CDC14A: variants seen among roughly 807,000 people sequenced by gnomAD.
The protein encoded by CDC14A is cell division cycle 14A, also known as dual specificity protein phosphatase CDC14A.
CDC14A carries 53 observed loss-of-function variants against 74.4 expected under a neutral mutation model. The ratio of observed to expected loss-of-function variants is 0.71; its 90% CI spans 0.57 to 0.89. The LOEUF (loss-of-function observed/expected upper bound fraction) is 0.89, where lower values mean the gene tolerates loss of function less well. Among genes scored for constraint, CDC14A ranks in the 40% least tolerant of loss-of-function variants. The probability of loss-of-function intolerance (pLI) is 0.00; values close to 1 mark genes in which losing one functional copy is unlikely to be tolerated. For synonymous variants in CDC14A, 247 were observed against 258.4 expected (o/e 0.96, Z 0.43); for missense variants, 646 against 713.7 (o/e 0.91, Z 1.08).
chr1:100,352,005 C>T (rs3081854), upstream of CDC14A, among the ~76,000 whole-genome samples: 48 of 106,776 alleles, frequency 4.5e-4, no homozygotes, highest in East Asian at 2.1e-3. Context: ...TGTGTGTGTG[C>T]GCGCGCGCGC....
intron 10 of CDC14A, among the ~76,000 whole-genome samples, chr1:100,475,010 T>G (rs1477757750): frequency 6.6e-6 from 1 of 152,174 alleles, no homozygotes; most frequent in Non-Finnish European, 1.5e-5. Flanking sequence ...CCCTGTCCTC[T>G]TTTTCCTTTC....
upstream of CDC14A, among the ~76,000 whole-genome samples, chr1:100,348,749 G>A (rs1422465234): frequency 6.6e-6 from 1 of 152,256 alleles, no homozygotes; most frequent in East Asian, 1.9e-4. Context: ...CATAGGTCCT[G>A]CAGCCTCCAG....
intron 10 of CDC14A, among the ~76,000 whole-genome samples, chr1:100,482,936 T>C (rs1171313551): frequency 6.6e-6 from 1 of 152,214 alleles, no homozygotes; most frequent in Non-Finnish European, 1.5e-5. Flanking sequence ...TTCTTTTTTA[T>C]GGCTGCATAG....
intron 5 of CDC14A, among the ~76,000 whole-genome samples, chr1:100,432,885 C>T (rs776199655): frequency 6.6e-6 from 1 of 151,918 alleles, no homozygotes; most frequent in Non-Finnish European, 1.5e-5. Flanking sequence ...TATATACTTT[C>T]TCCTTTATTT....
chr1:100,502,788 G>A (rs557267517), intron 15 of CDC14A, among the ~76,000 whole-genome samples: 2 of 152,172 alleles, frequency 1.3e-5, no homozygotes, highest in African/African-American at 2.4e-5. Flanking sequence ...TTTGGGTCTC[G>A]TTCCGTATTT....
chr1:100,417,364 A>G (rs1157612863), intron 4 of CDC14A, among the ~76,000 whole-genome samples: 1 of 152,198 alleles, frequency 6.6e-6, no homozygotes, highest in Non-Finnish European at 1.5e-5. Flanking sequence ...GTGCCCTCGT[A>G]TATGTGCAGG....
intron 9 of CDC14A, among the ~76,000 whole-genome samples, chr1:100,464,846 A>C (rs72974069): frequency 0.04 from 6,123 of 151,976 alleles, 411 homozygotes; most frequent in African/African-American, 0.14. Flanking sequence ...TATTTTCTCT[A>C]TATCCTTGAC....
intron 10 of CDC14A, among the ~76,000 whole-genome samples, chr1:100,474,579 T>G (rs1436080266): frequency 1.3e-5 from 2 of 149,962 alleles, no homozygotes. Context: ...CCGTTTCATC[T>G]AAATTGTCAA....
At chr1:100,390,929 A>G in intron 4 of CDC14A, 105 bp downstream of exon 4, 1 of 777,032 alleles carries the variant, frequency 1.3e-6, no homozygotes, top group Non-Finnish European at 2.2e-6. Flanking sequence ...GAGACGGTGG[A>G]GATTATTAGC....
At chr1:100,469,624 G>A (rs1317975985) in intron 10 of CDC14A, among the ~76,000 whole-genome samples, 2 of 152,150 alleles carry the variant, frequency 1.3e-5, no homozygotes, top group African/African-American at 4.8e-5. Flanking sequence ...ATACTCCTAA[G>A]CCTAGTTCTT....
intron 11 of CDC14A, among the ~76,000 whole-genome samples, chr1:100,490,260 T>A (rs1670479437): frequency 6.6e-6 from 1 of 152,202 alleles, no homozygotes; most frequent in Non-Finnish European, 1.5e-5. Flanking sequence ...CTTTTCCATA[T>A]AGCTTTTTAG....
At chr1:100,414,202 A>G (rs763133959) in intron 4 of CDC14A, among the ~76,000 whole-genome samples, 3 of 152,206 alleles carry the variant, frequency 2.0e-5, no homozygotes, top group Non-Finnish European at 4.4e-5. Flanking sequence ...ACAATGGCTC[A>G]TGCCTGTAAT....
intron 14 of CDC14A, 102 bp from the exon 15 acceptor site, chr1:100,498,827 A>G: frequency 1.4e-6 from 2 of 1,431,032 alleles, no homozygotes; most frequent in Middle Eastern, 1.9e-4. Context: ...CATCTTCATC[A>G]TGTTCCCCTA....
chr1:100,360,249 G>A (rs776171878), intron 2 of CDC14A, among the ~76,000 whole-genome samples: 1 of 151,432 alleles, frequency 6.6e-6, no homozygotes, highest in Non-Finnish European at 1.5e-5. Flanking sequence ...ACTGTGCCTA[G>A]CCTTTTTCAC....
intron 15 of CDC14A, among the ~76,000 whole-genome samples, chr1:100,501,609 A>G (rs1029301988): frequency 6.6e-6 from 1 of 152,222 alleles, no homozygotes; most frequent in African/African-American, 2.4e-5. Flanking sequence ...GCCTATGTAT[A>G]TACTATACTG....
chr1:100,435,321 A>T (rs1218119902), intron 5 of CDC14A, among the ~76,000 whole-genome samples: 1 of 152,216 alleles, frequency 6.6e-6, no homozygotes, highest in Non-Finnish European at 1.5e-5. Context: ...GGCTAAGATG[A>T]TGCATGCACA....
At chr1:100,378,267 A>G (rs958351792) in intron 3 of CDC14A, among the ~76,000 whole-genome samples, 1 of 152,098 alleles carries the variant, frequency 6.6e-6, no homozygotes, top group Non-Finnish European at 1.5e-5. Context: ...ATATGAGGAA[A>G]CTCATCTATA....
chr1:100,484,884 A>C, intron 11 of CDC14A: 1 of 981,824 alleles, frequency 1.0e-6, no homozygotes, highest in Non-Finnish European at 1.2e-6. Flanking sequence ...TTTAAAAAAA[A>C]ATTAAGGCTC....
chr1:100,380,875 C>G (rs1466593226), intron 3 of CDC14A, among the ~76,000 whole-genome samples: 1 of 152,224 alleles, frequency 6.6e-6, no homozygotes, highest in Non-Finnish European at 1.5e-5. Flanking sequence ...GACTGGGATG[C>G]CCTTACCCTC....
Sources: allele counts gnomAD v4.1 joint callset (sites outside exome capture counted in the v4.1 genomes callset), GRCh38; gene constraint gnomAD v4.1.1; transcripts MANE v1.5; gene names NCBI Gene and HGNC (gene_info 2026-07-23, HGNC 2026-07-21).